PGAP4: variants seen among roughly 807,000 people sequenced by gnomAD.
The protein encoded by PGAP4 is post-GPI attachment to proteins GalNAc transferase 4.
A neutral mutation model predicts 28.2 loss-of-function variants in PGAP4; 12 were observed. The ratio of observed to expected loss-of-function variants is 0.42; its 90% CI spans 0.27 to 0.69. The LOEUF (loss-of-function observed/expected upper bound fraction) is 0.69. Among genes scored for constraint, PGAP4 ranks in the 30% least tolerant of loss-of-function variants. PGAP4 has a pLI of 0.22. For missense variants in PGAP4, 425 were observed against 513.5 expected (o/e 0.83, Z 1.67); for synonymous variants, 205 against 211.8 (o/e 0.97, Z 0.28).
intron 2 of PGAP4, among the ~76,000 whole-genome samples, chr9:101,515,207 G>A (rs988875362): frequency 3.3e-5 from 5 of 152,058 alleles, no homozygotes; most frequent in African/African-American, 1.2e-4. Flanking sequence ...CCCATTCCTT[G>A]CTTATTTTGC....
At position 101,474,968 on chromosome 9, in the gene PGAP4, C is replaced by A. The variant is rs1387013593; in HGVS notation, c.*913G>T. On this transcript the variant is annotated 3_prime_UTR_variant, in exon 2 of 2. Transcript: ENST00000374848. ...AGAGATCTGAAATAAAAGGTCAGGT[C>A]TTCTGACTTCAGTCCATGATTTTTT... 1 of 145,294 alleles carries A rather than the reference C, an allele frequency of 6.9e-6. No individual in the cohort carries two copies. Among genetic ancestry groups the A allele is most frequent in the Non-Finnish European group, 1.5e-5 (1 of 67,152 alleles). The allele number at this position is 145,294 out of a possible 1,614,324, so 9.0% of individuals were successfully genotyped here. A position where few individuals can be genotyped will look rare whatever the true frequency, so the allele number is the denominator to read the frequency against.
intron 2 of PGAP4, among the ~76,000 whole-genome samples, chr9:101,500,203 C>A (rs1013996886): frequency 1.3e-5 from 2 of 152,038 alleles, no homozygotes; most frequent in Non-Finnish European, 2.9e-5. Context: ...TAAAAACACA[C>A]AAATTTATTA....
intron 2 of PGAP4, among the ~76,000 whole-genome samples, chr9:101,520,277 C>T (rs533715581): frequency 1.3e-5 from 2 of 152,224 alleles, no homozygotes; most frequent in South Asian, 4.1e-4. Flanking sequence ...ATAAGGATTG[C>T]ATTGAATTGT....
chr9:101,475,753 T>G lies in PGAP4; in HGVS notation c.*128A>C, dbSNP rs183328761. On this transcript the variant is annotated 3_prime_UTR_variant, in exon 2 of 2. Transcript: ENST00000374848. ...TCTTAACATATTGAGGTTCCTCAGC[T>G]GCCCCAGTGCCTATATCTCTAACAA... 4.0e-4 allele frequency: 418 copies of G among 1,048,728 alleles called. 2 individuals carry two copies. In the Admixed American group the frequency reaches 6.3e-3, roughly 16 times the overall value. 65.0% of individuals were successfully genotyped at this position (1,048,728 alleles called of 1,614,324 possible). A position where few individuals can be genotyped will look rare whatever the true frequency, so the allele number is the denominator to read the frequency against.
intron 1 of PGAP4, among the ~76,000 whole-genome samples, chr9:101,477,866 G>A (rs1167406681): frequency 6.6e-6 from 1 of 152,172 alleles, no homozygotes; most frequent in Non-Finnish European, 1.5e-5. Flanking sequence ...CCCAGGCTTG[G>A]GGAGGGAGGA....
rs1588208700 is a variant in PGAP4, at chr9:101,512,738, T to C, written c.-165+18610A>G. 2.0e-5 allele frequency among the ~76,000 whole-genome samples: 3 copies of C among 152,304 alleles called. No individual in the cohort carries two copies. The South Asian group carries it at 6.2e-4, about 32-fold the overall frequency. ...TTAAAACCACCACCTAACATGAAAC[T>C]AGAACCCTGACAATAGCTTTCATCA... On this transcript the variant is annotated intron_variant, in intron 2 of 3. Transcript: ENST00000374851.
Position 101,476,753 on chromosome 9 carries a change from C to T in PGAP4, c.340G>A (p.Gly114Ser). The change falls in exon 2 of 2, where the codon GGC becomes AGC. Residue 114 changes from glycine to serine, a missense_variant. Gly to Ser is a moderately conservative substitution (Grantham distance 56, BLOSUM62 0). Coordinates refer to ENST00000374848, the MANE Select transcript of PGAP4 (RefSeq NM_032342.3). The surrounding 1 kb of genome is among the most constrained non-coding windows in gnomAD (Gnocchi z 7.0). The stretch of plus-strand genomic sequence containing the variant: ...ACAACCTGCAGGACGTAGTGGAAGC[C>T]AGGCTGCCTGTCCACAGTGATGATG... ...ITIITVDRQPGFHYVLQVVSQ... is the reference protein window; with the variant it reads ...ITIITVDRQPSFHYVLQVVSQ... 6.2e-7 allele frequency: 1 copy of T among 1,613,626 alleles called. No homozygotes were observed. The highest frequency in any genetic ancestry group is 1.1e-5 in the South Asian group (1 of 91,008).
At chr9:101,488,638 A>G (rs997669213), upstream of PGAP4, among the ~76,000 whole-genome samples, 1 of 152,208 alleles carries the variant, frequency 6.6e-6, no homozygotes, top group African/African-American at 2.4e-5. Context: ...TTCATTGAGT[A>G]CCTATTATGA....
chr9:101,487,429 T>G (rs1367057967), upstream of PGAP4, among the ~76,000 whole-genome samples: 8 of 152,218 alleles, frequency 5.3e-5, no homozygotes, highest in Non-Finnish European at 1.2e-4. Flanking sequence ...TGTTTTTCAG[T>G]CTTCCCCAAA....
intron 2 of PGAP4, among the ~76,000 whole-genome samples, chr9:101,519,489 A>G (rs1297491480): frequency 4.6e-5 from 7 of 152,090 alleles, no homozygotes; most frequent in Non-Finnish European, 1.5e-5. Flanking sequence ...GATTTGTTTG[A>G]GTTCGTTGTA....
At chr9:101,502,182 C>A (rs558998346) in intron 2 of PGAP4, among the ~76,000 whole-genome samples, 290 of 152,148 alleles carry the variant, frequency 1.9e-3, no homozygotes, top group Middle Eastern at 3.4e-3. Flanking sequence ...GCATCTTCCT[C>A]TCTAAATCCT....
intron 2 of PGAP4, among the ~76,000 whole-genome samples, chr9:101,524,269 C>G (rs528730376): frequency 6.6e-6 from 1 of 151,790 alleles, no homozygotes; most frequent in South Asian, 2.1e-4. Flanking sequence ...GGTAAGCTGG[C>G]AGTCACAGGC....
chr9:101,518,227 T>C (rs186842568), intron 2 of PGAP4, among the ~76,000 whole-genome samples: 7 of 152,360 alleles, frequency 4.6e-5, no homozygotes, highest in African/African-American at 1.2e-4. Flanking sequence ...TTCTTTTTTA[T>C]GGCTTCATCA....
intron 2 of PGAP4, chr9:101,501,682 C>A: frequency 1.9e-6 from 1 of 517,654 alleles, no homozygotes; most frequent in South Asian, 1.4e-5. Flanking sequence ...GGCTGTAATC[C>A]ACATTCACTG....
At chr9:101,533,460 T>C (rs911179271), upstream of PGAP4, 3 of 152,230 alleles carry the variant, frequency 2.0e-5, no homozygotes, top group South Asian at 4.1e-4. Flanking sequence ...AACAATTTTC[T>C]GAGGTGTCTG....
At chr9:101,524,968 A>G (rs928793222) in intron 2 of PGAP4, among the ~76,000 whole-genome samples, 3 of 152,156 alleles carry the variant, frequency 2.0e-5, no homozygotes, top group African/African-American at 4.8e-5. Context: ...GCGGCAATCT[A>G]GTCCTGCCTC....
Position 101,474,859 on chromosome 9 carries a change from CT to C in PGAP4, c.*1021del, listed in dbSNP as rs1309355392. On this transcript the variant is annotated 3_prime_UTR_variant, in exon 2 of 2. Coordinates refer to ENST00000374848, the MANE Select transcript of PGAP4 (RefSeq NM_032342.3). ...AGGCAACTTTAACATGTAAGTATTA[CT>C]GTCCTCATTTTACAGGTGAAGAAAT... is the stretch of plus-strand genomic sequence containing the variant. 6.6e-6 allele frequency: 1 copy of C among 152,152 alleles called. No individual in the cohort carries two copies. The highest frequency in any genetic ancestry group is 1.5e-5 in the Non-Finnish European group (1 of 68,026). The allele number at this position is 152,152 out of a possible 1,614,324, so 9.4% of individuals were successfully genotyped here.
chr9:101,476,348 C>G lies in PGAP4; in HGVS notation c.745G>C (p.Glu249Gln). 6.2e-7 allele frequency: 1 copy of G among 1,614,024 alleles called. No individual in the cohort carries two copies. Among genetic ancestry groups the G allele is most frequent in the Non-Finnish European group, 8.5e-7 (1 of 1,180,026 alleles). Residue 249 changes from glutamate (E) to glutamine (Q), a missense_variant, in exon 2 of 2, where the codon GAG becomes CAG. Coordinates refer to ENST00000374848, the MANE Select transcript of PGAP4 (RefSeq NM_032342.3). This position sits in a 1 kb window ranked among gnomAD's most constrained non-coding sequence, Gnocchi z 7.0. ...GGATTGATGTAGTGCTGGAGCCTCT[C>G]GGGGTGATACAGCTTGAGATAAAGG... ...DALYLKLYHP[E>Q]RLQHYINPEP...
chr9:101,525,640 G>A (rs1454192787), intron 2 of PGAP4, among the ~76,000 whole-genome samples: 7 of 149,878 alleles, frequency 4.7e-5, no homozygotes, highest in East Asian at 2.0e-4. Context: ...CCCGAGAGGC[G>A]GAGCTTGCAG....
Sources: allele counts gnomAD v4.1 joint callset (sites outside exome capture counted in the v4.1 genomes callset), GRCh38; gene constraint gnomAD v4.1.1; non-coding constraint Gnocchi (gnomAD v3.1); transcripts MANE v1.5; gene names NCBI Gene and HGNC (gene_info 2026-07-23, HGNC 2026-07-21).